The following ULK4 variants were observed in gnomAD, a reference collection of about 807,000 sequenced individuals.
ULK4 encodes the protein inactive serine/threonine-protein kinase ULK4.
ULK4 carries 133 observed loss-of-function variants against 160.6 expected under a neutral mutation model. The observed-to-expected ratio is 0.83, with a 90% CI of 0.72 to 0.96. The LOEUF (loss-of-function observed/expected upper bound fraction) is 0.96, where lower values mean the gene tolerates loss of function less well. ULK4 is among the 40% of genes least tolerant of loss of function. The probability of loss-of-function intolerance (pLI) is 0.00; values close to 1 mark genes in which losing one functional copy is unlikely to be tolerated. For synonymous variants in ULK4, 534 were observed against 539.8 expected (o/e 0.99, Z 0.15); for missense variants, 1,580 against 1,499.5 (o/e 1.05, Z -0.89).
At chr3:41,360,462 C>G (rs1036195016) in intron 35 of ULK4, among the ~76,000 whole-genome samples, 1 of 152,136 alleles carries the variant, frequency 6.6e-6, no homozygotes, top group Non-Finnish European at 1.5e-5. Flanking sequence ...CATACATGCA[C>G]GTGTATGCTC....
intron 31 of ULK4, among the ~76,000 whole-genome samples, chr3:41,598,154 T>C (rs986048016): frequency 1.3e-5 from 2 of 152,128 alleles, no homozygotes; most frequent in Non-Finnish European, 2.9e-5. Flanking sequence ...TGGTCCCACA[T>C]GACCAGTTCC....
intron 32 of ULK4, among the ~76,000 whole-genome samples, chr3:41,505,707 G>C (rs956974188): frequency 6.6e-6 from 1 of 151,998 alleles, no homozygotes; most frequent in African/African-American, 2.4e-5. Context: ...AATTTTAATA[G>C]TTCATTGATT....
At chr3:41,925,372 C>T (rs1000547831) in intron 5 of ULK4, among the ~76,000 whole-genome samples, 1 of 152,188 alleles carries the variant, frequency 6.6e-6, no homozygotes, top group Non-Finnish European at 1.5e-5. Flanking sequence ...CACTCCGGCC[C>T]ACATACTGCA....
At chr3:41,566,691 G>A (rs2087794403) in intron 31 of ULK4, among the ~76,000 whole-genome samples, 1 of 152,132 alleles carries the variant, frequency 6.6e-6, no homozygotes, top group Non-Finnish European at 1.5e-5. Flanking sequence ...TGGAAAATGA[G>A]TTATTCTTCA....
At chr3:41,460,394 G>A (rs1015657004) in intron 33 of ULK4, among the ~76,000 whole-genome samples, 1 of 152,144 alleles carries the variant, frequency 6.6e-6, no homozygotes, top group Admixed American at 6.5e-5. Flanking sequence ...TATTCATTCT[G>A]CAGCATGTAA....
intron 32 of ULK4, among the ~76,000 whole-genome samples, chr3:41,560,675 G>A (rs2700458): frequency 0.43 from 65,714 of 151,914 alleles, 15,337 homozygotes; most frequent in Middle Eastern, 0.55. Context: ...GTCTGTTATT[G>A]GTGTATAGGA....
At chr3:41,870,189 C>T (rs1697038816) in intron 17 of ULK4, among the ~76,000 whole-genome samples, 1 of 152,162 alleles carries the variant, frequency 6.6e-6, no homozygotes, top group Non-Finnish European at 1.5e-5. Flanking sequence ...ATGTAGTCCT[C>T]TTTAGATTAT....
intron 35 of ULK4, among the ~76,000 whole-genome samples, chr3:41,323,721 TGGAGTAAAAAG>T (rs2125733351): frequency 6.6e-6 from 1 of 152,014 alleles, no homozygotes; most frequent in African/African-American, 2.4e-5. Flanking sequence ...TGCTTACAGA[TGGAGTAAAAAG>T]CAGACACAGT....
intron 17 of ULK4, among the ~76,000 whole-genome samples, chr3:41,851,599 G>C (rs1383204103): frequency 2.0e-5 from 3 of 152,166 alleles, no homozygotes; most frequent in Admixed American, 6.6e-5. Flanking sequence ...CATAAAATGA[G>C]TTAGAGAGGA....
rs577783278 is a variant in ULK4 at position 41,537,293 on chromosome 3, G to T, written c.3226+28732C>A. Among the ~76,000 whole-genome samples, 8 of 152,234 alleles carry T rather than the reference G, an allele frequency of 5.3e-5. No homozygotes were observed. The South Asian group carries it at 1.7e-3, about 32-fold the overall frequency. On this transcript the variant is annotated intron_variant, in intron 32 of 36. Coordinates refer to ENST00000301831, the MANE Select transcript of ULK4 (RefSeq NM_017886.4). ...CTCTGGACATAGTTTTCTCCAGCAG[G>T]AATTTATTGTTTCAGGCTTGATAGC...
chr3:41,948,213 G>T (rs114400513), intron 2 of ULK4, among the ~76,000 whole-genome samples: 367 of 152,262 alleles, frequency 2.4e-3, no homozygotes, highest in African/African-American at 7.9e-3. Flanking sequence ...CATTTCGGGA[G>T]GTCGAGGTGG....
rs545682732 is a variant in ULK4, at chr3:41,390,741, A to C, written c.3678+7338T>G. Among the ~76,000 whole-genome samples the C allele has an allele frequency of 1.2e-3, 186 of 152,212 alleles. 4 individuals are homozygous for C. The South Asian group carries it at 0.037, about 31-fold the overall frequency. On this transcript the variant is annotated intron_variant, in intron 35 of 36. Transcript: ENST00000301831. ...ACTGTGGTCTGAGAGACAGTTTGTT[A>C]TAATTTCTGTTCTTTTACATTTGCT...
intron 32 of ULK4, among the ~76,000 whole-genome samples, chr3:41,471,314 T>G (rs929010812): frequency 6.6e-6 from 1 of 152,176 alleles, no homozygotes. Context: ...ACTGTAAATA[T>G]ATATGCACCC....
intron 35 of ULK4, among the ~76,000 whole-genome samples, chr3:41,313,483 A>G (rs1386286681): frequency 6.6e-6 from 1 of 151,812 alleles, no homozygotes; most frequent in African/African-American, 2.4e-5. Context: ...TTTGGTGTTG[A>G]TCTTCTCATT....
intron 30 of ULK4, among the ~76,000 whole-genome samples, chr3:41,644,854 AT>A (rs1262009904): frequency 6.6e-6 from 1 of 152,202 alleles, no homozygotes; most frequent in African/African-American, 2.4e-5. Context: ...GCTATTGATT[AT>A]TGCCACAATT....
intron 32 of ULK4, among the ~76,000 whole-genome samples, chr3:41,534,633 A>T (rs2086432670): frequency 1.3e-5 from 2 of 152,166 alleles, no homozygotes; most frequent in Non-Finnish European, 2.9e-5. Context: ...GAGGCAACAG[A>T]CACTGAACTG....
chr3:41,613,645 A>G (rs976239769), intron 31 of ULK4, among the ~76,000 whole-genome samples: 9 of 152,266 alleles, frequency 5.9e-5, no homozygotes, highest in Non-Finnish European at 1.2e-4. Flanking sequence ...TCGATTGAAA[A>G]ATGTATTTCT....
chr3:41,424,831 C>CAAAAAAAAAAAAAAAAAAAA (rs36097613), intron 34 of ULK4, among the ~76,000 whole-genome samples: 43 of 62,370 alleles, frequency 6.9e-4, no homozygotes, highest in Middle Eastern at 0.013. Flanking sequence ...AAGAAATCAT[C>CAAAAAAAAAAAAAAAAAAAA]AAAAAAAAAA....
chr3:41,765,458 A>G (rs1229783237), intron 21 of ULK4, among the ~76,000 whole-genome samples: 1 of 151,612 alleles, frequency 6.6e-6, no homozygotes, highest in Non-Finnish European at 1.5e-5. Flanking sequence ...CCTAATGTAA[A>G]TGACGAGTTA....
Sources: gnomAD v4.1 joint callset for allele counts (sites outside exome capture counted in the v4.1 genomes callset) on GRCh38, gnomAD v4.1.1 for gene constraint, MANE v1.5 for transcripts, NCBI Gene and HGNC (gene_info 2026-07-23, HGNC 2026-07-21) for gene names.